The following SOHLH1 variants were observed in gnomAD, a reference collection of about 807,000 sequenced individuals.
SOHLH1 encodes spermatogenesis and oogenesis specific basic helix-loop-helix 1.
Under a neutral mutation model 36.2 loss-of-function variants are expected in SOHLH1, and 23 were observed. That is an observed-to-expected ratio of 0.64 (90% CI 0.46 to 0.90). The LOEUF (loss-of-function observed/expected upper bound fraction) is 0.90. Ranked by LOEUF, SOHLH1 falls within the 40% of genes least tolerant of loss-of-function variation. The pLI, the probability that SOHLH1 is intolerant of heterozygous loss-of-function variation, is 0.00. For missense variants in SOHLH1, 608 were observed against 517.0 expected (o/e 1.18, Z -1.71); for synonymous variants, 289 against 228.3 (o/e 1.27, Z -2.40).
At chr9:135,697,310 C>T (rs1431768820) in intron 4 of SOHLH1, among the ~76,000 whole-genome samples, 196 bp downstream of exon 4, 2 of 152,184 alleles carry the variant, frequency 1.3e-5, no homozygotes, top group African/African-American at 4.8e-5. Context: ...ACCGCGCTCC[C>T]CCCTTGCTGG....
chr9:135,699,285 A>G (rs1834941263), intron 1 of SOHLH1, 118 bp downstream of exon 1: 2 of 1,491,426 alleles, frequency 1.3e-6, no homozygotes, highest in Admixed American at 2.0e-5. Context: ...CCCCTCTCCC[A>G]GGGTCCAGGG....
chr9:135,697,626 A>C lies in SOHLH1; in HGVS notation c.347T>G (p.Ile116Ser). ...CCACATTTCCTTGGAGGAAGCAAGA[A>C]TCTGAAATTTAAGTAAACATGTAAA... ...ALGPSQEQHA[I>S]LASSKEMWHS... Residue 116 changes from isoleucine (I) to serine (S), a missense_variant and splice_region_variant, in exon 4 of 8, where the codon ATT becomes AGT. Transcript: ENST00000425225. 6.2e-7 allele frequency: 1 copy of C among 1,610,924 alleles called. No homozygotes were observed. The highest frequency in any genetic ancestry group is 8.5e-7 in the Non-Finnish European group (1 of 1,178,828).
Position 135,693,832 on chromosome 9 carries a change from A to T in SOHLH1, c.947-18T>A. 6.5e-7 allele frequency: 1 copy of T among 1,541,218 alleles called. No individual in the cohort carries two copies. The highest frequency in any genetic ancestry group is 8.8e-7 in the Non-Finnish European group (1 of 1,137,268). On this transcript the variant is annotated intron_variant, in intron 7 of 7. Transcript: ENST00000425225. ...CAGAGACCCTGGAAGCAAACAGGAC[A>T]CATCGGCAGGGCAGGCAGGTGCTCT...
At chr9:135,697,319 G>A (rs936435108) in intron 4 of SOHLH1, among the ~76,000 whole-genome samples, 187 bp downstream of exon 4, 2 of 152,160 alleles carry the variant, frequency 1.3e-5, no homozygotes, top group African/African-American at 2.4e-5. Context: ...CCCCCTTGCT[G>A]GAGCTCGCCC....
chr9:135,698,342 T>C lies in SOHLH1; in HGVS notation c.332A>G (p.Gln111Arg). 1 of 1,612,986 alleles carries C rather than the reference T, an allele frequency of 6.2e-7. No individual in the cohort carries two copies. Among genetic ancestry groups the C allele is most frequent in the Non-Finnish European group, 8.5e-7 (1 of 1,180,014 alleles). Residue 111 changes from glutamine to arginine, a missense_variant, in exon 3 of 8, where the codon CAG (glutamine) becomes CGG (arginine). Transcript: ENST00000425225. Reference sequence around the variant, plus strand: ...CTTACAACTCACAGCGTGCTGCTCCTGACTGGGCCCCAGGGCGCTGGCAAG... The same window carrying C: ...CTTACAACTCACAGCGTGCTGCTCCCGACTGGGCCCCAGGGCGCTGGCAAG... ...LRLASALGPSQEQHAILASSK... is the reference protein window; with the variant it reads ...LRLASALGPSREQHAILASSK...
In SOHLH1 at chr9:135,698,397, C is replaced by G; in HGVS notation, c.277G>C (p.Val93Leu). Residue 93 changes from valine to leucine, a missense_variant, in exon 3 of 8, where the codon GTC becomes CTC. Coordinates refer to ENST00000425225, the MANE Select transcript of SOHLH1 (RefSeq NM_001101677.2). Reference protein sequence around the residue: ...FDGRREDMASVLEMSVQFLRL... With the variant: ...FDGRREDMASLLEMSVQFLRL... The stretch of plus-strand genomic sequence containing the variant: ...AGGAACTGCACAGACATCTCCAGGA[C>G]CGAGGCCATGTCCTCCCGCCGGCCA... 6.2e-7 allele frequency: 1 copy of G among 1,613,134 alleles called. No homozygotes were observed. Among genetic ancestry groups the G allele is most frequent in the Non-Finnish European group, 8.5e-7 (1 of 1,180,034 alleles).
At chr9:135,694,762 G>A (rs1468604173) in intron 6 of SOHLH1, among the ~76,000 whole-genome samples, 1 of 143,194 alleles carries the variant, frequency 7.0e-6, no homozygotes, top group Non-Finnish European at 1.5e-5. Flanking sequence ...CACCCCAGCT[G>A]GTATGTGCTC....
rs547675615 is a variant in SOHLH1 at position 135,699,041 on chromosome 9, G to C, written c.151C>G (p.Pro51Ala). The change falls in exon 2 of 8, where the codon CCC becomes GCC. Residue 51 changes from proline to alanine, a missense_variant. Coordinates refer to ENST00000425225, the MANE Select transcript of SOHLH1 (RefSeq NM_001101677.2). ...PPKAPTVAEGPSSCLRRNVIS... is the reference protein window; with the variant it reads ...PPKAPTVAEGASSCLRRNVIS... The stretch of plus-strand genomic sequence containing the variant: ...ACGTTCCGCCGAAGGCAGGAGCTGG[G>C]ACCCTCGGCCACCGTAGGGGCCTTG... The C allele has an allele frequency of 3.1e-6, 5 of 1,611,372 alleles. No homozygotes were observed. Among genetic ancestry groups the C allele is most frequent in the East Asian group, 4.5e-5 (2 of 44,884 alleles).
At chr9:135,699,566 C>G (rs1490717261), upstream of SOHLH1, 2 of 1,294,460 alleles carry the variant, frequency 1.5e-6, no homozygotes, top group East Asian at 2.5e-5. Context: ...TGCTTTCCAC[C>G]TAGCCCACCC....
Position 135,694,404 on chromosome 9 carries a change from C to A in SOHLH1, c.929G>T (p.Gly310Val), listed in dbSNP as rs1834708375. The A allele has an allele frequency of 6.2e-7, 1 of 1,613,162 alleles. No individual in the cohort carries two copies. Among genetic ancestry groups the A allele is most frequent in the Non-Finnish European group, 8.5e-7 (1 of 1,180,038 alleles). Reference protein sequence around the residue: ...DDGTSFLLTAGPSSWPGSLEG... With the variant: ...DDGTSFLLTAVPSSWPGSLEG... ...CCACTCACCCGGCCACGAGCTGGGA[C>A]CAGCAGTCAGCAGGAAGGACGTCCC... The change falls in exon 7 of 8, where the codon GGT (glycine) becomes GTT (valine). Residue 310 changes from glycine (G) to valine (V), a missense_variant. Gly to Val is a moderately radical substitution (Grantham distance 109). Transcript: ENST00000425225.
chr9:135,699,375 C>A (rs543519149), intron 1 of SOHLH1, 28 bp downstream of exon 1: 3 of 1,602,522 alleles, frequency 1.9e-6, no homozygotes, highest in South Asian at 2.2e-5. Context: ...GGGCCCCCAA[C>A]CCCTTGGCCG....
intron 5 of SOHLH1, among the ~76,000 whole-genome samples, chr9:135,696,285 C>T (rs1395885702): frequency 6.6e-6 from 1 of 152,114 alleles, no homozygotes; most frequent in Non-Finnish European, 1.5e-5. Flanking sequence ...AAGATCAGGC[C>T]CTCCCTTCCC....
chr9:135,699,408 TC>T lies in SOHLH1; in HGVS notation c.59del (p.Gly20AspfsTer40), dbSNP rs766256017. 35 of 1,611,592 alleles carry T rather than the reference TC, an allele frequency of 2.2e-5. No individual in the cohort carries two copies. Among genetic ancestry groups the T allele is most frequent in the Non-Finnish European group, 2.7e-5 (32 of 1,179,570 alleles). On this transcript the variant is annotated frameshift_variant, in exon 1 of 8. Coordinates refer to ENST00000425225, the MANE Select transcript of SOHLH1 (RefSeq NM_001101677.2). LOFTEE classifies it high-confidence loss of function. ...PEVSRIPTVR[G>X]CNGSLSGALS... ...CCGCCAGCCCAATTCCTCACTTGCATCCCCTGACGGTAGGGATTCTGGAGAC... is the reference window on the plus strand; with the variant it reads ...CCGCCAGCCCAATTCCTCACTTGCATCCCTGACGGTAGGGATTCTGGAGAC...
At chr9:135,699,350 C>G in intron 1 of SOHLH1, 53 bp downstream of exon 1, 2 of 1,574,750 alleles carry the variant, frequency 1.3e-6, no homozygotes, top group Non-Finnish European at 1.7e-6. Flanking sequence ...GGAAGAACCC[C>G]TGGGTACAGG....
intron 5 of SOHLH1, 68 bp from the exon 6 acceptor site, chr9:135,695,331 G>A (rs1340462680): frequency 2.7e-6 from 4 of 1,457,342 alleles, no homozygotes; most frequent in Admixed American, 2.0e-5. Flanking sequence ...CGAGGACCTC[G>A]TGACTCACGG....
Position 135,695,181 on chromosome 9 carries a change from C to T in SOHLH1, c.744G>A (p.Ser248=), listed in dbSNP as rs776667698. 2.5e-6 allele frequency: 4 copies of T among 1,604,350 alleles called. No individual in the cohort carries two copies. The highest frequency in any genetic ancestry group is 2.7e-5 in the African/African-American group (2 of 74,974). The part of the protein sequence containing the change: ...VRPPLSWPPF[S]QQQTLPVMSG... The stretch of plus-strand genomic sequence containing the variant: ...TCATCACGGGCAAGGTCTGCTGCTG[C>T]GAGAACGGAGGCCAGGACAGGGGTG... The change falls in exon 6 of 8, where the codon TCG becomes TCA. Residue 248 remains serine (S), a synonymous_variant. Coordinates refer to ENST00000425225, the MANE Select transcript of SOHLH1 (RefSeq NM_001101677.2).
chr9:135,699,580 C>T (rs1282588549), upstream of SOHLH1: 1 of 1,163,038 alleles, frequency 8.6e-7, no homozygotes, highest in African/African-American at 1.5e-5. Context: ...CCCACCCCAC[C>T]CCCACTTGCA....
rs1834671990 is a variant in SOHLH1, at chr9:135,693,533, C to T, written c.*64G>A. ...ACCCAAAATAAAATGCCCAAGCACG[C>T]GACAGGGACACACACGGCTCCAGAT... is the stretch of plus-strand genomic sequence containing the variant. On this transcript the variant is annotated 3_prime_UTR_variant, in exon 8 of 8. Transcript: ENST00000425225. The T allele has an allele frequency of 5.3e-6, 8 of 1,501,874 alleles. No individual in the cohort carries two copies. The highest frequency in any genetic ancestry group is 4.2e-5 in the African/African-American group (3 of 71,700). The allele number at this position is 1,501,874 out of a possible 1,614,324, so 93.0% of individuals were successfully genotyped here. A position where few individuals can be genotyped will look rare whatever the true frequency, so the allele number is the denominator to read the frequency against.
chr9:135,695,094 C>A lies in SOHLH1; in HGVS notation c.831G>T (p.Leu277=), dbSNP rs55674357. The change falls in exon 6 of 8, where the codon CTG becomes CTT. Residue 277 remains leucine (L), a synonymous_variant. Transcript: ENST00000425225. ...AGPLAMGAAP[L]GEPAKEDPML... The stretch of plus-strand genomic sequence containing the variant: ...TGGGGTCCTCCTTGGCTGGCTCCCC[C>A]AGAGGTGCAGCCCCCATGGCCAGGG... 57,705 of 1,598,148 alleles carry A rather than the reference C, an allele frequency of 0.036. 1,297 individuals carry two copies. Among genetic ancestry groups the A allele is most frequent in the Non-Finnish European group, 0.042 (49,095 of 1,174,650 alleles).
Sources: gnomAD v4.1 joint callset for allele counts (sites outside exome capture counted in the v4.1 genomes callset) on GRCh38, gnomAD v4.1.1 for gene constraint, MANE v1.5 for transcripts, NCBI Gene and HGNC (gene_info 2026-07-23, HGNC 2026-07-21) for gene names.